Variants in IL20RB observed in about 807,000 individuals in gnomAD.
The protein encoded by IL20RB is interleukin 20 receptor subunit beta.
In IL20RB, 21 loss-of-function variants were observed where a neutral mutation model predicts 33.3. That is an observed-to-expected ratio of 0.63 (90% CI 0.45 to 0.91). The LOEUF is 0.91. IL20RB is among the 40% of genes least tolerant of loss of function. IL20RB has a pLI of 0.00. For missense variants in IL20RB, 345 were observed against 384.8 expected (o/e 0.90, Z 0.86); for synonymous variants, 147 against 146.8 (o/e 1.00, Z -0.01).
intron 1 of IL20RB, among the ~76,000 whole-genome samples, chr3:136,970,623 C>CTTCT (rs1228799503): frequency 2.4e-5 from 1 of 41,762 alleles, no homozygotes; most frequent in Non-Finnish European, 4.6e-5. Flanking sequence ...TCCTTCCTTC[C>CTTCT]TTCCTTCCTT....
chr3:136,989,748 G>A (rs1257952448), intron 4 of IL20RB, among the ~76,000 whole-genome samples, 183 bp downstream of exon 4: 1 of 152,118 alleles, frequency 6.6e-6, no homozygotes, highest in Non-Finnish European at 1.5e-5. Flanking sequence ...GAACTTCCTT[G>A]GTCCATTCAA....
At chr3:136,959,219 A>C (rs1002942793) in intron 1 of IL20RB, 5 of 152,216 alleles carry the variant, frequency 3.3e-5, no homozygotes, top group African/African-American at 1.2e-4. Flanking sequence ...TTGAAAACGA[A>C]TATGGACTAC....
chr3:136,981,524 T>G (rs2108198634), intron 2 of IL20RB, among the ~76,000 whole-genome samples: 1 of 152,304 alleles, frequency 6.6e-6, no homozygotes, highest in South Asian at 2.1e-4. Flanking sequence ...TTATATTAGA[T>G]GGCCTGGGAT....
rs775481096 is a variant in IL20RB at position 137,010,105 on chromosome 3, T to C, written c.826-8T>C. On this transcript the variant is annotated splice_polypyrimidine_tract_variant and splice_region_variant and intron_variant, in intron 6 of 6. Coordinates refer to ENST00000329582, the MANE Select transcript of IL20RB (RefSeq NM_144717.4). ...CTCTAATGAATATTAATGAAAATTA[T>C]TTTTCAGAAAATAACCAATTCACCC... The C allele has an allele frequency of 7.2e-7, 1 of 1,386,964 alleles. No homozygotes were observed. The highest frequency in any genetic ancestry group is 1.0e-6 in the Non-Finnish European group (1 of 972,592). The allele number at this position is 1,386,964 out of a possible 1,614,324, so 85.9% of individuals were successfully genotyped here. A position where few individuals can be genotyped will look rare whatever the true frequency, so the allele number is the denominator to read the frequency against.
At chr3:136,992,348 G>T (rs1230042330) in intron 5 of IL20RB, among the ~76,000 whole-genome samples, 3 of 152,228 alleles carry the variant, frequency 2.0e-5, no homozygotes, top group Admixed American at 6.5e-5. Context: ...AGGCCTGGGG[G>T]CCAGGTGTTG....
intron 5 of IL20RB, 72 bp from the exon 6 acceptor site, chr3:136,995,341 CG>C: frequency 1.3e-6 from 2 of 1,555,336 alleles, no homozygotes; most frequent in Non-Finnish European, 1.8e-6. Flanking sequence ...TCCAGGAAAC[CG>C]GGGGAGGCTC....
chr3:136,978,767 A>G (rs1941690738), intron 1 of IL20RB, among the ~76,000 whole-genome samples: 2 of 152,150 alleles, frequency 1.3e-5, no homozygotes, highest in African/African-American at 4.8e-5. Flanking sequence ...TTTTGGTATC[A>G]TGGTAATACT....
chr3:136,994,482 T>A (rs562144767), intron 5 of IL20RB, among the ~76,000 whole-genome samples: 17 of 152,208 alleles, frequency 1.1e-4, no homozygotes, highest in Non-Finnish European at 2.2e-4. Flanking sequence ...TATCTCTTGA[T>A]GCATACCACC....
chr3:137,000,004 C>A (rs1942209229), intron 6 of IL20RB, among the ~76,000 whole-genome samples: 1 of 152,000 alleles, frequency 6.6e-6, no homozygotes, highest in Admixed American at 6.6e-5. Context: ...CTCTATTGAT[C>A]GTTTTTTATT....
intron 6 of IL20RB, among the ~76,000 whole-genome samples, chr3:136,998,063 C>T (rs1470903842): frequency 6.6e-6 from 1 of 151,838 alleles, no homozygotes; most frequent in South Asian, 2.1e-4. Flanking sequence ...AGCCACTGTG[C>T]CTGGCCTCCA....
chr3:137,001,958 T>C (rs1288071598), intron 6 of IL20RB, among the ~76,000 whole-genome samples: 5 of 152,164 alleles, frequency 3.3e-5, no homozygotes, highest in Admixed American at 2.0e-4. Context: ...CGGTGTGTGA[T>C]GTTCCCTGCA....
chr3:136,969,785 T>C (rs1339495889), intron 1 of IL20RB, among the ~76,000 whole-genome samples: 2 of 152,202 alleles, frequency 1.3e-5, no homozygotes, highest in Non-Finnish European at 2.9e-5. Context: ...TGTTTTTTTT[T>C]CCACTTTGCA....
chr3:136,990,017 A>G (rs554264926), intron 4 of IL20RB, among the ~76,000 whole-genome samples: 1 of 152,060 alleles, frequency 6.6e-6, no homozygotes. Flanking sequence ...GCAGGGATCC[A>G]GGAGTTGGCT....
chr3:136,966,198 A>AT (rs1252936769), intron 1 of IL20RB, among the ~76,000 whole-genome samples: 1 of 142,078 alleles, frequency 7.0e-6, no homozygotes, highest in Middle Eastern at 3.2e-3. Flanking sequence ...TATCAGAATG[A>AT]TGCTGGCCTC....
intron 5 of IL20RB, among the ~76,000 whole-genome samples, chr3:136,994,169 G>A (rs1235868582): frequency 6.6e-6 from 1 of 151,936 alleles, no homozygotes; most frequent in African/African-American, 2.4e-5. Context: ...GAGGATATGG[G>A]CACGAAAAAA....
intron 5 of IL20RB, among the ~76,000 whole-genome samples, chr3:136,992,621 A>C (rs931010156): frequency 2.0e-5 from 3 of 152,346 alleles, no homozygotes; most frequent in South Asian, 2.1e-4. Flanking sequence ...AAGAGCCTAC[A>C]TCCCATGATC....
chr3:137,001,341 A>T (rs1308990324), intron 6 of IL20RB, among the ~76,000 whole-genome samples: 2 of 152,194 alleles, frequency 1.3e-5, no homozygotes, highest in Non-Finnish European at 1.5e-5. Flanking sequence ...TTTAAAGTGG[A>T]CAAATTCTCT....
At chr3:136,997,238 G>A (rs1420567423) in intron 6 of IL20RB, among the ~76,000 whole-genome samples, 3 of 152,024 alleles carry the variant, frequency 2.0e-5, no homozygotes, top group Middle Eastern at 3.4e-3. Context: ...GATTACAGAC[G>A]CCTGCCACCA....
chr3:137,002,614 A>T (rs1233589904), intron 6 of IL20RB, among the ~76,000 whole-genome samples: 1 of 150,632 alleles, frequency 6.6e-6, no homozygotes, highest in East Asian at 2.0e-4. Flanking sequence ...CCACTTTTTG[A>T]TGGTTTTTTT....
Sources: allele counts gnomAD v4.1 joint callset (sites outside exome capture counted in the v4.1 genomes callset), GRCh38; gene constraint gnomAD v4.1.1; transcripts MANE v1.5; gene names NCBI Gene and HGNC (gene_info 2026-07-23, HGNC 2026-07-21).